ADAMTS2: variants seen among roughly 807,000 people sequenced by gnomAD.
The protein encoded by ADAMTS2 is ADAM metallopeptidase with thrombospondin type 1 motif 2.
ADAMTS2 carries 50 observed loss-of-function variants against 123.0 expected under a neutral mutation model. The ratio of observed to expected loss-of-function variants is 0.41; its 90% CI spans 0.32 to 0.51. ADAMTS2 has a LOEUF of 0.51. Among genes scored for constraint, ADAMTS2 ranks in the 20% least tolerant of loss-of-function variants. The probability of loss-of-function intolerance (pLI) is 0.35; values close to 1 mark genes in which losing one functional copy is unlikely to be tolerated. For synonymous variants in ADAMTS2, 678 were observed against 695.4 expected, an observed-to-expected ratio of 0.98 and a Z score of 0.39; for missense variants, 1,494 against 1,705.2, an observed-to-expected ratio of 0.88 and a Z score of 2.18.
intron 4 of ADAMTS2, among the ~76,000 whole-genome samples, chr5:179,203,382 C>T (rs1021609980): frequency 1.3e-5 from 2 of 152,268 alleles, no homozygotes; most frequent in Non-Finnish European, 2.9e-5. Flanking sequence ...TCACTGGGAG[C>T]CCAGTCCCAG....
chr5:179,291,172 C>T (rs1756177632), intron 2 of ADAMTS2, among the ~76,000 whole-genome samples: 1 of 152,222 alleles, frequency 6.6e-6, no homozygotes, highest in Non-Finnish European at 1.5e-5. Context: ...TTCCCACTCA[C>T]ATCAGACAGA....
chr5:179,193,917 C>T (rs955175502), intron 4 of ADAMTS2, among the ~76,000 whole-genome samples: 13 of 152,172 alleles, frequency 8.5e-5, no homozygotes, highest in Admixed American at 1.3e-4. Context: ...TGAGAGCCCA[C>T]GCCAGGTCAG....
intron 2 of ADAMTS2, among the ~76,000 whole-genome samples, chr5:179,336,593 A>G (rs913808270): frequency 1.3e-5 from 2 of 152,200 alleles, no homozygotes; most frequent in South Asian, 4.2e-4. Flanking sequence ...GTATAAAGTA[A>G]TGGTGTGTCC....
chr5:179,303,514 G>A lies in ADAMTS2; in HGVS notation c.535-30450C>T, dbSNP rs926528688. On this transcript the variant is annotated intron_variant, in intron 2 of 21. Coordinates refer to ENST00000251582, the MANE Select transcript of ADAMTS2 (RefSeq NM_014244.5). This position sits in a 1 kb window ranked among gnomAD's most constrained non-coding sequence, Gnocchi z 4.7. ...TATTCCTCAGCCTAGATACAAGGCA[G>A]GTCAAACTCCAGAAGCGGGCACTGG... Among the ~76,000 whole-genome samples, 1 of 152,216 alleles carries A rather than the reference G, an allele frequency of 6.6e-6. No individual in the cohort carries two copies. The highest frequency in any genetic ancestry group is 1.5e-5 in the Non-Finnish European group (1 of 68,036).
chr5:179,150,951 C>G (rs1763344422), intron 10 of ADAMTS2: 4 of 183,342 alleles, frequency 2.2e-5, no homozygotes, highest in African/African-American at 7.1e-5. Flanking sequence ...GACTGGAGAG[C>G]AGCGACGCGA....
chr5:179,282,483 T>A (rs770579798), intron 2 of ADAMTS2, among the ~76,000 whole-genome samples: 3 of 152,220 alleles, frequency 2.0e-5, no homozygotes, highest in African/African-American at 4.8e-5. Flanking sequence ...ATTCTACCAA[T>A]CTATATGTCT....
At position 179,314,892 on chromosome 5, in the gene ADAMTS2, C is replaced by A. The variant is rs1462121634; in HGVS notation, c.534+28875G>T. Reference sequence around the variant, plus strand: ...GTCCCTTAGCATGGCCCGGGAGCCTCAAGCCCAGGGCCTACCTAGAAGTAA... The same window carrying A: ...GTCCCTTAGCATGGCCCGGGAGCCTAAAGCCCAGGGCCTACCTAGAAGTAA... On this transcript the variant is annotated intron_variant, in intron 2 of 21. Coordinates refer to ENST00000251582, the MANE Select transcript of ADAMTS2 (RefSeq NM_014244.5). This position sits in a 1 kb window ranked among gnomAD's most constrained non-coding sequence, Gnocchi z 4.5. Among the ~76,000 whole-genome samples the A allele has an allele frequency of 4.6e-5, 7 of 152,136 alleles. No homozygotes were observed. The highest frequency in any genetic ancestry group is 1.7e-4 in the African/African-American group (7 of 41,420).
Position 179,126,016 on chromosome 5 carries a change from T to C in ADAMTS2, c.2732A>G (p.Gln911Arg). 1 of 1,613,448 alleles carries C rather than the reference T, an allele frequency of 6.2e-7. No homozygotes were observed. The highest frequency in any genetic ancestry group is 8.5e-7 in the Non-Finnish European group (1 of 1,180,018). The change falls in exon 18 of 22, where the codon CAG (glutamine) becomes CGG (arginine). Residue 911 changes from glutamine (Q) to arginine (R), a missense_variant. Coordinates refer to ENST00000251582, the MANE Select transcript of ADAMTS2 (RefSeq NM_014244.5). ...PKAIRRACNP[Q>R]ECSQPVWVTG... ...CACTCACACTGGCTGGGAGCATTCC[T>C]GTGGGTTGCACGCTCTGCGGATGGC...
chr5:179,223,527 C>CATGCACTCACACGA (rs140403370), intron 3 of ADAMTS2, among the ~76,000 whole-genome samples: 17 of 147,074 alleles, frequency 1.2e-4, no homozygotes, highest in African/African-American at 4.1e-4. Context: ...CACTCACACA[C>CATGCACTCACACGA]ATGCACTCAC....
chr5:179,216,673 G>A (rs534372468), intron 3 of ADAMTS2, among the ~76,000 whole-genome samples: 9 of 152,202 alleles, frequency 5.9e-5, no homozygotes, highest in South Asian at 2.1e-4. Flanking sequence ...GCTCACCTCC[G>A]GGAGCCTCCA....
At chr5:179,217,861 GATGGCCTGAGGGCA>G in intron 3 of ADAMTS2, among the ~76,000 whole-genome samples, 2 of 65,730 alleles carry the variant, frequency 3.0e-5, no homozygotes, top group African/African-American at 1.3e-4. Flanking sequence ...CTAGGTAGGG[GATGGCCTGAGGGCA>G]GACGGCACAC....
chr5:179,116,426 CA>C (rs1316387268), intron 21 of ADAMTS2, among the ~76,000 whole-genome samples: 3 of 152,312 alleles, frequency 2.0e-5, no homozygotes, highest in African/African-American at 7.2e-5. Context: ...CTTCCTCCTT[CA>C]GGGGCAGTTG....
intron 21 of ADAMTS2, 83 bp downstream of exon 21, chr5:179,121,574 CAGAG>C: frequency 8.9e-7 from 1 of 1,129,718 alleles, no homozygotes; most frequent in East Asian, 2.7e-5. Flanking sequence ...TTTCCATAGA[CAGAG>C]AGGAGGGGGG....
intron 3 of ADAMTS2, among the ~76,000 whole-genome samples, chr5:179,245,426 C>G (rs998178944): frequency 2.0e-5 from 3 of 152,200 alleles, no homozygotes; most frequent in Non-Finnish European, 4.4e-5. Flanking sequence ...TAATTTGTTA[C>G]CGCAGCAATC....
intron 2 of ADAMTS2, among the ~76,000 whole-genome samples, chr5:179,299,936 T>C (rs566058152): frequency 1.5e-4 from 23 of 151,572 alleles, no homozygotes; most frequent in African/African-American, 4.4e-4. Context: ...CTACTAAAAA[T>C]ACAAAAAATT....
At chr5:179,204,658 G>A (rs1764636136) in intron 4 of ADAMTS2, among the ~76,000 whole-genome samples, 1 of 152,244 alleles carries the variant, frequency 6.6e-6, no homozygotes, top group South Asian at 2.1e-4. Flanking sequence ...GGCATGCAGA[G>A]GCTCTCAGTG....
At chr5:179,123,968 C>T (rs1762808731) in intron 19 of ADAMTS2, among the ~76,000 whole-genome samples, 1 of 152,230 alleles carries the variant, frequency 6.6e-6, no homozygotes, top group Non-Finnish European at 1.5e-5. Flanking sequence ...GGTGGGCTCC[C>T]CTGCTTGGCA....
At chr5:179,241,143 C>T (rs1351499505) in intron 3 of ADAMTS2, among the ~76,000 whole-genome samples, 1 of 152,216 alleles carries the variant, frequency 6.6e-6, no homozygotes, top group Non-Finnish European at 1.5e-5. Context: ...TACAAAGAAA[C>T]TGAAGTGTGA....
At chr5:179,116,762 G>A (rs1305770155) in intron 21 of ADAMTS2, among the ~76,000 whole-genome samples, 1 of 152,236 alleles carries the variant, frequency 6.6e-6, no homozygotes, top group Non-Finnish European at 1.5e-5. Flanking sequence ...GGAGGCCCAT[G>A]CATCAGAGGG....
Sources: allele counts gnomAD v4.1 joint callset (sites outside exome capture counted in the v4.1 genomes callset), GRCh38; gene constraint gnomAD v4.1.1; non-coding constraint Gnocchi (gnomAD v3.1); transcripts MANE v1.5; gene names NCBI Gene and HGNC (gene_info 2026-07-23, HGNC 2026-07-21).